Variants in LY86 observed in about 807,000 individuals in gnomAD.
LY86 encodes MD-1, RP105-associated.
A neutral mutation model predicts 17.3 loss-of-function variants in LY86; 20 were observed. The ratio of observed to expected loss-of-function variants is 1.15; its 90% CI spans 0.81 to 1.68. The LOEUF (loss-of-function observed/expected upper bound fraction) is 1.68. Ranked by LOEUF, LY86 falls within the 40% of genes most tolerant of loss-of-function variation. The pLI, the probability that LY86 is intolerant of heterozygous loss-of-function variation, is 0.00. For missense variants in LY86, 200 were observed against 191.9 expected (o/e 1.04, Z -0.25); for synonymous variants, 74 against 70.6 (o/e 1.05, Z -0.24).
chr6:6,622,122 A>C (rs976385235), intron 1 of LY86, among the ~76,000 whole-genome samples: 2 of 152,234 alleles, frequency 1.3e-5, no homozygotes, highest in African/African-American at 4.8e-5. Flanking sequence ...CTGCTTTTAT[A>C]TACATATCCT....
rs1352365899 is a variant in LY86, at chr6:6,654,619, TGCTC to T, written c.482_485del (p.Cys161SerfsTer6). On this transcript the variant is annotated frameshift_variant, in exon 5 of 5. Coordinates refer to ENST00000230568, the MANE Select transcript of LY86 (RefSeq NM_004271.4). LOFTEE classifies it high-confidence loss of function. ...GGCCTGTGCCAATGCTACTATCATG[TGCTC>T]CTGACTGTGGCCTGTAGCAAAAATC... The T allele has an allele frequency of 1.9e-6, 3 of 1,614,022 alleles. No homozygotes were observed. Among genetic ancestry groups the T allele is most frequent in the African/African-American group, 1.3e-5 (1 of 74,954 alleles).
rs1263819231 is a variant in LY86 at position 6,654,675 on chromosome 6, C to T, written c.*48C>T. On this transcript the variant is annotated 3_prime_UTR_variant, in exon 5 of 5. Transcript: ENST00000230568. ...CAGCCAGCTGCATCTCGTGGGACCT[C>T]CAAGCTCCTCTGACTGAACCTACTG... 1.3e-6 allele frequency: 2 copies of T among 1,503,636 alleles called. No homozygotes were observed. Among genetic ancestry groups the T allele is most frequent in the Non-Finnish European group, 1.9e-6 (2 of 1,080,502 alleles). 93.1% of individuals were successfully genotyped at this position (1,503,636 alleles called of 1,614,324 possible). A position where few individuals can be genotyped will look rare whatever the true frequency, so the allele number is the denominator to read the frequency against.
chr6:6,614,674 ACTCTCAT>A (rs1761505351), intron 1 of LY86, among the ~76,000 whole-genome samples: 1 of 151,252 alleles, frequency 6.6e-6, no homozygotes, highest in Admixed American at 6.6e-5. Context: ...TTGTCCCTGA[ACTCTCAT>A]CTCAAATCTT....
chr6:6,640,065 T>A (rs941184131), intron 3 of LY86, among the ~76,000 whole-genome samples: 2 of 152,174 alleles, frequency 1.3e-5, no homozygotes, highest in Non-Finnish European at 2.9e-5. Context: ...AGGGCTTCCC[T>A]TATTGGGCCA....
In LY86 at chr6:6,654,859, C is replaced by T; in HGVS notation, c.*232C>T. The T allele has an allele frequency of 1.9e-6, 1 of 516,620 alleles. No homozygotes were observed. Among genetic ancestry groups the T allele is most frequent in the Non-Finnish European group, 3.4e-6 (1 of 291,962 alleles). 32.0% of individuals were successfully genotyped at this position (516,620 alleles called of 1,614,324 possible). ...GTTTCTAAGGAGCCTCTTGGCAGTC[C>T]TTAAGCAGTCTTGAGGGTCCATCCT... On this transcript the variant is annotated 3_prime_UTR_variant, in exon 5 of 5. Transcript: ENST00000230568.
intron 1 of LY86, among the ~76,000 whole-genome samples, chr6:6,595,495 T>C (rs1277351821): frequency 6.6e-6 from 1 of 151,806 alleles, no homozygotes; most frequent in Non-Finnish European, 1.5e-5. Flanking sequence ...CATCTCCTGA[T>C]GAAAGAATGG....
At chr6:6,627,447 G>A (rs1761812207) in intron 3 of LY86, among the ~76,000 whole-genome samples, 1 of 152,136 alleles carries the variant, frequency 6.6e-6, no homozygotes, top group African/African-American at 2.4e-5. Flanking sequence ...ATCTGTAGAG[G>A]GCAGAACCAG....
chr6:6,633,491 T>TCATCCCATGATGATCTGTGATAC (rs759911061), intron 3 of LY86, among the ~76,000 whole-genome samples: 1 of 152,152 alleles, frequency 6.6e-6, no homozygotes, highest in Non-Finnish European at 1.5e-5. Flanking sequence ...ACTGCACAGA[T>TCATCCCATGATGATCTGTGATAC]CATCCCATGA....
At chr6:6,613,753 G>A (rs557156922) in intron 1 of LY86, among the ~76,000 whole-genome samples, 3 of 152,358 alleles carry the variant, frequency 2.0e-5, no homozygotes, top group East Asian at 3.9e-4. Flanking sequence ...CGCCAAGGCC[G>A]AGGAGGCCCC....
chr6:6,613,248 C>T (rs559528567), intron 1 of LY86, among the ~76,000 whole-genome samples: 3 of 152,392 alleles, frequency 2.0e-5, no homozygotes, highest in South Asian at 2.1e-4. Context: ...GCAGGTGGAG[C>T]TGCCTGCCAA....
chr6:6,590,073 G>A (rs947912805), intron 1 of LY86, among the ~76,000 whole-genome samples: 7 of 139,098 alleles, frequency 5.0e-5, no homozygotes, highest in East Asian at 4.7e-4. Context: ...AGCCAAGATC[G>A]TGCCATTGTA....
intron 3 of LY86, among the ~76,000 whole-genome samples, chr6:6,647,441 A>C (rs371095627): frequency 5.3e-5 from 8 of 151,886 alleles, no homozygotes; most frequent in African/African-American, 1.9e-4. Flanking sequence ...AAAACTCTTA[A>C]TTCCTCACCT....
intron 1 of LY86, among the ~76,000 whole-genome samples, chr6:6,608,721 A>G (rs986747717): frequency 4.6e-5 from 7 of 152,254 alleles, no homozygotes; most frequent in African/African-American, 1.4e-4. Context: ...GGTTACAGCA[A>G]TGGTGTTACA....
intron 3 of LY86, among the ~76,000 whole-genome samples, chr6:6,646,445 T>C (rs754273882): frequency 1.1e-4 from 16 of 152,314 alleles, no homozygotes; most frequent in Non-Finnish European, 5.9e-5. Context: ...CCAAGCACCA[T>C]GATGTCTCAG....
chr6:6,647,251 A>G (rs193044561), intron 3 of LY86, among the ~76,000 whole-genome samples: 116 of 152,176 alleles, frequency 7.6e-4, no homozygotes, highest in African/African-American at 2.7e-3. Context: ...CACCTTCTTA[A>G]ACCCTTCATG....
intron 1 of LY86, among the ~76,000 whole-genome samples, chr6:6,590,937 C>CA (rs148360268): frequency 0.027 from 4,153 of 151,950 alleles, 74 homozygotes; most frequent in Middle Eastern, 0.061. Context: ...CACACACACA[C>CA]AAAAATTAAA....
intron 1 of LY86, among the ~76,000 whole-genome samples, chr6:6,612,430 A>C (rs1201378723): frequency 6.6e-6 from 1 of 152,188 alleles, no homozygotes; most frequent in Non-Finnish European, 1.5e-5. Flanking sequence ...CATAAAAGAA[A>C]CCGCAAACCT....
intron 4 of LY86, among the ~76,000 whole-genome samples, chr6:6,651,125 T>C (rs984757296): frequency 6.6e-6 from 1 of 152,218 alleles, no homozygotes; most frequent in Non-Finnish European, 1.5e-5. Context: ...CATCCATACA[T>C]AGACACTTAG....
intron 1 of LY86, among the ~76,000 whole-genome samples, chr6:6,610,535 G>A (rs918728196): frequency 3.4e-5 from 5 of 145,232 alleles, no homozygotes; most frequent in South Asian, 2.2e-4. Context: ...GTGAAGAAAC[G>A]GAAGCTTAGG....
Sources: allele counts gnomAD v4.1 joint callset (sites outside exome capture counted in the v4.1 genomes callset), GRCh38; gene constraint gnomAD v4.1.1; transcripts MANE v1.5; gene names NCBI Gene and HGNC (gene_info 2026-07-23, HGNC 2026-07-21).